The following SGCZ variants were observed in gnomAD, a reference collection of about 807,000 sequenced individuals.
SGCZ encodes sarcoglycan zeta, also known as zeta-sarcoglycan.
SGCZ carries 40 observed loss-of-function variants against 41.3 expected under a neutral mutation model. That is an observed-to-expected ratio of 0.97 (90% confidence interval 0.75 to 1.26). The LOEUF is 1.26. Among genes scored for constraint, SGCZ ranks in the 50% most tolerant of loss-of-function variants. The probability of loss-of-function intolerance (pLI) is 0.00; values close to 1 mark genes in which losing one functional copy is unlikely to be tolerated. For missense variants in SGCZ, 552 were observed against 369.8 expected (o/e 1.49, Z -4.04); for synonymous variants, 206 against 137.5 (o/e 1.50, Z -3.49).
intron 1 of SGCZ, among the ~76,000 whole-genome samples, chr8:14,860,747 T>G (rs142275609): frequency 0.013 from 1,474 of 115,984 alleles, 32 homozygotes; most frequent in African/African-American, 0.048. Flanking sequence ...AGTAAGTAAG[T>G]AAGTGAGGGA....
intron 1 of SGCZ, among the ~76,000 whole-genome samples, chr8:15,196,122 C>A (rs1253692204): frequency 7.5e-6 from 1 of 134,228 alleles, no homozygotes; most frequent in Non-Finnish European, 1.7e-5. Context: ...TGGTCTCGAT[C>A]TCCTGACCTC....
At chr8:14,795,572 A>T (rs920163002) in intron 1 of SGCZ, among the ~76,000 whole-genome samples, 1 of 152,168 alleles carries the variant, frequency 6.6e-6, no homozygotes, top group Admixed American at 6.6e-5. Context: ...CCTCCCATGT[A>T]ACTAGCACAT....
At chr8:14,250,028 T>A (rs1168655792) in intron 3 of SGCZ, among the ~76,000 whole-genome samples, 1 of 152,154 alleles carries the variant, frequency 6.6e-6, no homozygotes, top group Non-Finnish European at 1.5e-5. Flanking sequence ...ATACAAATCA[T>A]CTGAAGATAT....
At chr8:15,037,800 A>C (rs1803925834) in intron 1 of SGCZ, among the ~76,000 whole-genome samples, 1 of 152,210 alleles carries the variant, frequency 6.6e-6, no homozygotes, top group Non-Finnish European at 1.5e-5. Flanking sequence ...CAAAATCAAC[A>C]TATCAATGTC....
intron 1 of SGCZ, among the ~76,000 whole-genome samples, chr8:15,061,527 A>C (rs1804930401): frequency 8.0e-6 from 1 of 124,502 alleles, no homozygotes; most frequent in African/African-American, 3.6e-5. Flanking sequence ...AACTTACAGT[A>C]TATAAAAAAA....
intron 1 of SGCZ, among the ~76,000 whole-genome samples, chr8:14,953,697 C>G (rs1228838265): frequency 6.6e-6 from 1 of 152,060 alleles, no homozygotes; most frequent in Non-Finnish European, 1.5e-5. Context: ...CTCAATTTCC[C>G]CATTTGCAAA....
At chr8:14,489,926 G>A (rs942288687) in intron 2 of SGCZ, among the ~76,000 whole-genome samples, 2 of 145,062 alleles carry the variant, frequency 1.4e-5, no homozygotes, top group South Asian at 2.2e-4. Flanking sequence ...GAGTACAAGT[G>A]GCACGATCTT....
At chr8:14,930,973 C>G (rs551479719) in intron 1 of SGCZ, among the ~76,000 whole-genome samples, 1 of 151,972 alleles carries the variant, frequency 6.6e-6, no homozygotes, top group African/African-American at 2.4e-5. Flanking sequence ...TGTAACAAAC[C>G]GGTACGTTCT....
chr8:14,294,726 G>T (rs536012025), intron 3 of SGCZ, among the ~76,000 whole-genome samples: 2 of 152,020 alleles, frequency 1.3e-5, no homozygotes, highest in African/African-American at 4.8e-5. Flanking sequence ...CAATAATAAA[G>T]CAAAAGCCCA....
intron 1 of SGCZ, among the ~76,000 whole-genome samples, chr8:14,953,227 T>C (rs955503855): frequency 6.6e-6 from 1 of 152,008 alleles, no homozygotes; most frequent in African/African-American, 2.4e-5. Context: ...AAATTTACAG[T>C]CATGGTGCAA....
intron 1 of SGCZ, among the ~76,000 whole-genome samples, chr8:15,228,600 C>A (rs17121158): frequency 0.13 from 20,143 of 151,996 alleles, 1,774 homozygotes; most frequent in African/African-American, 0.25. Context: ...TGCCCTAGAC[C>A]AAAGTAACAG....
chr8:14,528,035 A>T (rs1803008103), intron 2 of SGCZ, among the ~76,000 whole-genome samples: 1 of 152,086 alleles, frequency 6.6e-6, no homozygotes, highest in Non-Finnish European at 1.5e-5. Context: ...GTGATGCCTC[A>T]GTCATCTCAT....
chr8:15,018,547 G>A (rs1280259345), intron 1 of SGCZ, among the ~76,000 whole-genome samples: 4 of 152,164 alleles, frequency 2.6e-5, no homozygotes, highest in Admixed American at 6.5e-5. Flanking sequence ...TAGGCAGAGG[G>A]AAGAGCTGGT....
intron 1 of SGCZ, among the ~76,000 whole-genome samples, chr8:14,715,297 G>A (rs1012611514): frequency 6.6e-6 from 1 of 151,966 alleles, no homozygotes; most frequent in Admixed American, 6.6e-5. Flanking sequence ...AAAAATTGGG[G>A]AGGAAAAAAC....
intron 1 of SGCZ, among the ~76,000 whole-genome samples, chr8:14,793,830 A>C (rs892261875): frequency 6.6e-6 from 1 of 152,274 alleles, no homozygotes; most frequent in Non-Finnish European, 1.5e-5. Flanking sequence ...ATTTGAAAGA[A>C]GCTGAAATAG....
At chr8:14,886,151 G>A (rs751998079) in intron 1 of SGCZ, among the ~76,000 whole-genome samples, 9 of 150,708 alleles carry the variant, frequency 6.0e-5, no homozygotes, top group African/African-American at 1.5e-4. Context: ...AAGCCAGACC[G>A]TTAGTATTGA....
rs565188983 is a variant in SGCZ, at chr8:14,414,055, T to C, written c.235-89851A>G. On this transcript the variant is annotated intron_variant, in intron 2 of 7. Coordinates refer to ENST00000382080, the MANE Select transcript of SGCZ (RefSeq NM_139167.4). ...TTTGAATTTATACCTTTCACAACAG[T>C]TGAGATCCACGTTAGTTTTAACATC... Among the ~76,000 whole-genome samples the C allele has an allele frequency of 3.3e-5, 5 of 152,094 alleles. No individual in the cohort carries two copies. In the East Asian group the frequency reaches 9.7e-4, roughly 29 times the overall value.
At chr8:15,227,127 A>G (rs1233193228) in intron 1 of SGCZ, among the ~76,000 whole-genome samples, 1 of 152,174 alleles carries the variant, frequency 6.6e-6, no homozygotes, top group East Asian at 1.9e-4. Context: ...GGAGGTGCCC[A>G]TACATAACCG....
At chr8:14,580,595 T>G (rs928552894) in intron 1 of SGCZ, among the ~76,000 whole-genome samples, 5 of 152,136 alleles carry the variant, frequency 3.3e-5, no homozygotes, top group Non-Finnish European at 5.9e-5. Context: ...GAAAATAAAT[T>G]GGAAATACAA....
Sources: allele counts gnomAD v4.1 joint callset (sites outside exome capture counted in the v4.1 genomes callset), GRCh38; gene constraint gnomAD v4.1.1; transcripts MANE v1.5; gene names NCBI Gene and HGNC (gene_info 2026-07-23, HGNC 2026-07-21).